The following EPHA5 variants were observed in gnomAD, a reference collection of about 807,000 sequenced individuals.
EPHA5 encodes EPH receptor A5.
Under a neutral mutation model 105.0 loss-of-function variants are expected in EPHA5, and 60 were observed. That is an observed-to-expected ratio of 0.57 (90% CI 0.46 to 0.71). EPHA5 has a LOEUF of 0.71. Ranked by LOEUF, EPHA5 falls within the 30% of genes least tolerant of loss-of-function variation. The pLI, the probability that EPHA5 is intolerant of heterozygous loss-of-function variation, is 0.00. For synonymous variants in EPHA5, 513 were observed against 449.1 expected (o/e 1.14, Z -1.80); for missense variants, 1,218 against 1,274.7 (o/e 0.96, Z 0.68).
Position 65,420,486 on chromosome 4 carries a change from A to G in EPHA5, c.1482T>C (p.Arg494=), listed in dbSNP as rs1723841702. The G allele has an allele frequency of 6.2e-7, 1 of 1,612,604 alleles. No homozygotes were observed. The highest frequency in any genetic ancestry group is 1.3e-5 in the African/African-American group (1 of 74,830). The change falls in exon 6 of 17, where the codon CGT becomes CGC. Residue 494 remains arginine (R), a synonymous_variant. Coordinates refer to ENST00000613740, the MANE Select transcript of EPHA5 (RefSeq NM_001281766.3). ...SISLSWQEPD[R]PNGIILEYEI... ...CATACTCTAGGATGATTCCATTGGG[A>G]CGATCTGGTTCTTGCCAAGACAAAG...
intron 2 of EPHA5, among the ~76,000 whole-genome samples, chr4:65,635,158 C>A (rs1560802001): frequency 6.6e-6 from 1 of 151,692 alleles, no homozygotes; most frequent in Non-Finnish European, 1.5e-5. Context: ...TTCTCAGTCT[C>A]AAAGAAATAA....
At chr4:65,386,357 T>C (rs1720086462) in intron 8 of EPHA5, among the ~76,000 whole-genome samples, 1 of 152,004 alleles carries the variant, frequency 6.6e-6, no homozygotes, top group Admixed American at 6.6e-5. Context: ...TTCTAGGTTG[T>C]GAACTACCAA....
intron 2 of EPHA5, among the ~76,000 whole-genome samples, chr4:65,621,030 T>G (rs1367724134): frequency 6.6e-6 from 1 of 152,060 alleles, no homozygotes; most frequent in Non-Finnish European, 1.5e-5. Context: ...CAAGTTACCA[T>G]TTTTTTCCAT....
At chr4:65,566,762 G>A (rs1304549481) in intron 3 of EPHA5, among the ~76,000 whole-genome samples, 1 of 151,716 alleles carries the variant, frequency 6.6e-6, no homozygotes, top group Non-Finnish European at 1.5e-5. Context: ...GCAATTGACA[G>A]CATGCTAATT....
chr4:65,522,466 CT>C (rs1734847195), intron 3 of EPHA5, among the ~76,000 whole-genome samples: 1 of 151,842 alleles, frequency 6.6e-6, no homozygotes, highest in South Asian at 2.1e-4. Context: ...CCTGACCCTT[CT>C]TCAAACCTAG....
chr4:65,403,663 G>A (rs72641013), intron 8 of EPHA5, among the ~76,000 whole-genome samples: 1 of 151,756 alleles, frequency 6.6e-6, no homozygotes, highest in Non-Finnish European at 1.5e-5. Context: ...TAAGGAGGTT[G>A]ATTATGCTCA....
intron 5 of EPHA5, among the ~76,000 whole-genome samples, chr4:65,432,786 C>A (rs1725104016): frequency 6.6e-6 from 1 of 151,614 alleles, no homozygotes; most frequent in Non-Finnish European, 1.5e-5. Flanking sequence ...GCTTTTACAG[C>A]CACCTAGAGC....
chr4:65,544,108 A>C (rs901700087), intron 3 of EPHA5, among the ~76,000 whole-genome samples: 1 of 152,168 alleles, frequency 6.6e-6, no homozygotes, highest in Non-Finnish European at 1.5e-5. Context: ...TGTAAAACCC[A>C]AAAACATAAA....
intron 3 of EPHA5, among the ~76,000 whole-genome samples, chr4:65,523,501 A>G (rs1350529102): frequency 1.3e-5 from 2 of 152,046 alleles, no homozygotes; most frequent in East Asian, 3.9e-4. Flanking sequence ...CTGGTACAAA[A>G]GACAGGTTCT....
rs57533715 is a variant in EPHA5, at chr4:65,502,406, C to CA, written c.911-6864dup. On this transcript the variant is annotated intron_variant, in intron 3 of 16. Coordinates refer to ENST00000613740, the MANE Select transcript of EPHA5 (RefSeq NM_001281766.3). ...TAAGGAACTTAAACAATTAAACAAGCAAAAAAAAAATATATAGCCCCATTA... is the reference window on the plus strand; with the variant it reads ...TAAGGAACTTAAACAATTAAACAAGCAAAAAAAAAAATATATAGCCCCATTA... Among the ~76,000 whole-genome samples, 669 of 141,104 alleles carry CA rather than the reference C, an allele frequency of 4.7e-3. 4 individuals carry two copies. The highest frequency in any genetic ancestry group is 0.017 in the East Asian group (82 of 4,948). The allele number at this position is 141,104 out of a possible 152,430, so 92.6% of individuals were successfully genotyped here. A position where few individuals can be genotyped will look rare whatever the true frequency, so the allele number is the denominator to read the frequency against.
intron 5 of EPHA5, among the ~76,000 whole-genome samples, chr4:65,481,655 T>A (rs1261489106): frequency 6.6e-6 from 1 of 152,216 alleles, no homozygotes. Context: ...TAGTTAATAC[T>A]GAGGACTAGA....
intron 3 of EPHA5, among the ~76,000 whole-genome samples, chr4:65,569,364 A>G (rs1739884589): frequency 6.6e-6 from 1 of 151,626 alleles, no homozygotes; most frequent in Non-Finnish European, 1.5e-5. Flanking sequence ...TAAACTTAAG[A>G]GGAAAAAATG....
intron 14 of EPHA5, among the ~76,000 whole-genome samples, chr4:65,341,366 T>A (rs1721701573): frequency 6.6e-6 from 1 of 152,010 alleles, no homozygotes; most frequent in East Asian, 1.9e-4. Context: ...ACCTGTGGTC[T>A]TTCCATCTTG....
intron 5 of EPHA5, among the ~76,000 whole-genome samples, chr4:65,434,965 A>G (rs1725337859): frequency 6.6e-6 from 1 of 152,190 alleles, no homozygotes. Flanking sequence ...ATTAAAATCA[A>G]GTATACATAG....
intron 5 of EPHA5, among the ~76,000 whole-genome samples, chr4:65,453,626 T>C (rs1413162904): frequency 1.3e-5 from 2 of 152,134 alleles, no homozygotes; most frequent in Non-Finnish European, 2.9e-5. Context: ...AAGGGAAGAA[T>C]GTCTCAAGTA....
Position 65,320,579 on chromosome 4 carries a change from C to G in EPHA5, c.*3535G>C, listed in dbSNP as rs888097918. On this transcript the variant is annotated 3_prime_UTR_variant, in exon 17 of 17. Transcript: ENST00000613740. ...AATGCACTTTTATAGCCAAAAATGTCTTCAGAAGGTAAATATCTGTGCTTG... is the reference window on the plus strand; with the variant it reads ...AATGCACTTTTATAGCCAAAAATGTGTTCAGAAGGTAAATATCTGTGCTTG... The G allele has an allele frequency of 8.7e-6, 2 of 229,584 alleles. No individual in the cohort carries two copies. The highest frequency in any genetic ancestry group is 2.2e-5 in the African/African-American group (1 of 45,086). 14.2% of individuals were successfully genotyped at this position (229,584 alleles called of 1,614,324 possible).
intron 8 of EPHA5, among the ~76,000 whole-genome samples, chr4:65,372,242 G>T (rs1198025107): frequency 1.3e-5 from 2 of 151,828 alleles, no homozygotes; most frequent in African/African-American, 2.4e-5. Context: ...TTCACTTCGG[G>T]ATTTTCTCCA....
chr4:65,588,503 G>A (rs1438933984), intron 3 of EPHA5, among the ~76,000 whole-genome samples: 1 of 152,098 alleles, frequency 6.6e-6, no homozygotes, highest in Non-Finnish European at 1.5e-5. Context: ...TCTTTCCCTT[G>A]ATGATGACAG....
At chr4:65,548,501 G>A (rs1737598906) in intron 3 of EPHA5, among the ~76,000 whole-genome samples, 1 of 151,966 alleles carries the variant, frequency 6.6e-6, no homozygotes, top group Non-Finnish European at 1.5e-5. Context: ...AAATGAGTCA[G>A]AATTAATGCT....
Sources: gnomAD v4.1 joint callset for allele counts (sites outside exome capture counted in the v4.1 genomes callset) on GRCh38, gnomAD v4.1.1 for gene constraint, MANE v1.5 for transcripts, NCBI Gene and HGNC (gene_info 2026-07-23, HGNC 2026-07-21) for gene names.